Variants in AXDND1 observed in about 807,000 individuals in gnomAD.
AXDND1 encodes axonemal dynein light chain domain-containing protein 1.
In AXDND1, 110 loss-of-function variants were observed where a neutral mutation model predicts 137.5. The ratio of observed to expected loss-of-function variants is 0.80; its 90% CI spans 0.69 to 0.94. The LOEUF is 0.94. Ranked by LOEUF, AXDND1 falls within the 40% of genes least tolerant of loss-of-function variation. The pLI, the probability that AXDND1 is intolerant of heterozygous loss-of-function variation, is 0.00. For synonymous variants in AXDND1, 414 were observed against 399.7 expected (o/e 1.04, Z -0.43); for missense variants, 1,191 against 1,169.8 (o/e 1.02, Z -0.26).
At position 179,551,294 on chromosome 1, in the gene AXDND1, A is replaced by G. The variant is rs751105124; in HGVS notation, c.3032-3218A>G. On this transcript the variant is annotated intron_variant, in intron 25 of 25. Coordinates refer to ENST00000367618, the MANE Select transcript of AXDND1 (RefSeq NM_144696.6). ...AGAAGACAGGCAATTCAGTAGGTCA[A>G]ATGGCAAAGGTAAAACCACAGTGGA... 12 of 1,614,102 alleles carry G rather than the reference A, an allele frequency of 7.4e-6. 1 individual carries two copies. In the South Asian group the frequency reaches 9.9e-5, roughly 13 times the overall value.
intron 22 of AXDND1, among the ~76,000 whole-genome samples, chr1:179,527,289 G>T (rs1037198257): frequency 6.6e-6 from 1 of 152,154 alleles, no homozygotes; most frequent in African/African-American, 2.4e-5. Flanking sequence ...GGTCACTCTT[G>T]TGGCCATTGT....
intron 8 of AXDND1, among the ~76,000 whole-genome samples, chr1:179,384,958 C>G (rs969444399): frequency 6.6e-6 from 1 of 151,982 alleles, no homozygotes; most frequent in African/African-American, 2.4e-5. Flanking sequence ...CAGACAGGGT[C>G]TCACCATATT....
Position 179,399,133 on chromosome 1 carries a change from A to G in AXDND1, c.1109+3931A>G, listed in dbSNP as rs184434065. On this transcript the variant is annotated intron_variant, in intron 11 of 25. Coordinates refer to ENST00000367618, the MANE Select transcript of AXDND1 (RefSeq NM_144696.6). ...ATAGTTAAAACCAAAATTGTATTGT[A>G]TGCACTATTCTACAATCAACATTTT... Among the ~76,000 whole-genome samples the G allele has an allele frequency of 1.6e-3, 246 of 152,244 alleles. 2 individuals are homozygous for G. The highest frequency in any genetic ancestry group is 2.8e-3 in the Non-Finnish European group (189 of 68,008).
chr1:179,494,194 C>G (rs111923094), intron 20 of AXDND1, among the ~76,000 whole-genome samples: 3 of 152,042 alleles, frequency 2.0e-5, no homozygotes, highest in Admixed American at 2.0e-4. Context: ...TCAAGTGATC[C>G]GCCCTCCTCA....
At chr1:179,406,228 A>G (rs1652941333) in intron 11 of AXDND1, among the ~76,000 whole-genome samples, 1 of 152,148 alleles carries the variant, frequency 6.6e-6, no homozygotes, top group South Asian at 2.1e-4. Flanking sequence ...GATACTTGAT[A>G]TGTTTCCAAT....
intron 12 of AXDND1, among the ~76,000 whole-genome samples, chr1:179,428,953 C>T (rs1277386841): frequency 1.3e-5 from 2 of 151,458 alleles, no homozygotes; most frequent in Admixed American, 1.4e-4. Flanking sequence ...CCGAGGCAGG[C>T]AGATCACGAG....
At chr1:179,367,104 C>T (rs1163364836) in intron 2 of AXDND1, among the ~76,000 whole-genome samples, 1 of 152,002 alleles carries the variant, frequency 6.6e-6, no homozygotes, top group Admixed American at 6.5e-5. Flanking sequence ...GCCTGTAGTC[C>T]CAGCTTACTC....
chr1:179,451,350 AT>A (rs1292929562), intron 16 of AXDND1: 1 of 147,376 alleles, frequency 6.8e-6, no homozygotes, highest in Non-Finnish European at 1.5e-5. Context: ...AAAAAAAAAA[AT>A]CGTCCACTTT....
chr1:179,552,141 T>C, intron 25 of AXDND1: 1 of 182,282 alleles, frequency 5.5e-6, no homozygotes, highest in Non-Finnish European at 1.2e-5. Context: ...CTGTCATGCC[T>C]GAGTGGAGCC....
chr1:179,551,530 G>A, intron 25 of AXDND1: 1 of 1,526,388 alleles, frequency 6.6e-7, no homozygotes. Flanking sequence ...TGACTCAGCA[G>A]ACAAGCACTG....
chr1:179,396,781 A>G (rs1030420016), intron 11 of AXDND1, among the ~76,000 whole-genome samples: 11 of 152,318 alleles, frequency 7.2e-5, no homozygotes, highest in African/African-American at 2.6e-4. Flanking sequence ...TAATTTATGT[A>G]TTAATGTATA....
At chr1:179,514,138 C>T (rs969800212) in intron 21 of AXDND1, among the ~76,000 whole-genome samples, 1 of 151,918 alleles carries the variant, frequency 6.6e-6, no homozygotes, top group African/African-American at 2.4e-5. Flanking sequence ...TCTTGTTTCT[C>T]TAGTTCCTTG....
intron 11 of AXDND1, among the ~76,000 whole-genome samples, chr1:179,409,762 G>A (rs750180056): frequency 2.6e-5 from 4 of 152,096 alleles, no homozygotes; most frequent in Non-Finnish European, 5.9e-5. Flanking sequence ...GCAGTGATCC[G>A]AGATTGTGCC....
intron 11 of AXDND1, among the ~76,000 whole-genome samples, chr1:179,410,611 T>G (rs980110043): frequency 1.3e-5 from 2 of 152,204 alleles, no homozygotes; most frequent in African/African-American, 4.8e-5. Flanking sequence ...GAAACAATAG[T>G]TAAGAAAAAG....
At chr1:179,411,460 TC>T (rs1177651301) in intron 12 of AXDND1, among the ~76,000 whole-genome samples, 194 bp downstream of exon 12, 1 of 152,214 alleles carries the variant, frequency 6.6e-6, no homozygotes, top group Non-Finnish European at 1.5e-5. Flanking sequence ...TTCTCCCACC[TC>T]AGCCTCTTGA....
At chr1:179,524,882 C>G (rs894899045) in intron 21 of AXDND1, among the ~76,000 whole-genome samples, 1 of 152,176 alleles carries the variant, frequency 6.6e-6, no homozygotes, top group Non-Finnish European at 1.5e-5. Context: ...CCAATCATCT[C>G]CCTGGCTTGA....
chr1:179,424,461 T>C (rs1350938542), intron 12 of AXDND1, among the ~76,000 whole-genome samples: 6 of 146,258 alleles, frequency 4.1e-5, no homozygotes, highest in Non-Finnish European at 7.5e-5. Context: ...AGAGTCTGGC[T>C]CTGTCACCCA....
At position 179,446,967 on chromosome 1, in the gene AXDND1, GTATT is replaced by G. The variant is rs557009686; in HGVS notation, c.1798+1765_1798+1768del. On this transcript the variant is annotated intron_variant, in intron 16 of 25. Coordinates refer to ENST00000367618, the MANE Select transcript of AXDND1 (RefSeq NM_144696.6). ...TTACATATTAATGGGGTACATGTGAGTATTTGTTACATTCATAGAATGTGTAATG... is the reference window on the plus strand; with the variant it reads ...TTACATATTAATGGGGTACATGTGAGTGTTACATTCATAGAATGTGTAATG... Among the ~76,000 whole-genome samples the G allele has an allele frequency of 5.3e-3, 802 of 152,128 alleles. 9 individuals are homozygous for G. Among genetic ancestry groups the G allele is most frequent in the African/African-American group, 0.019 (779 of 41,516 alleles).
At chr1:179,490,050 A>G (rs1031441124) in intron 18 of AXDND1, among the ~76,000 whole-genome samples, 20 of 152,080 alleles carry the variant, frequency 1.3e-4, no homozygotes, top group African/African-American at 4.8e-4. Flanking sequence ...GGCCTAGGCT[A>G]CTACATTTTA....
Sources: gnomAD v4.1 joint callset for allele counts (sites outside exome capture counted in the v4.1 genomes callset) on GRCh38, gnomAD v4.1.1 for gene constraint, MANE v1.5 for transcripts, NCBI Gene and HGNC (gene_info 2026-07-23, HGNC 2026-07-21) for gene names.